COL8A1: variants seen among roughly 807,000 people sequenced by gnomAD.
COL8A1 encodes collagen type VIII alpha 1 chain.
In COL8A1, 21 loss-of-function variants were observed where a neutral mutation model predicts 42.7. The observed-to-expected ratio is 0.49, with a 90% confidence interval of 0.35 to 0.71. The LOEUF (loss-of-function observed/expected upper bound fraction) is 0.71. COL8A1 is among the 30% of genes least tolerant of loss of function. The probability of loss-of-function intolerance (pLI) is 0.01; values close to 1 mark genes in which losing one functional copy is unlikely to be tolerated. For missense variants in COL8A1, 788 were observed against 962.4 expected (o/e 0.82, Z 2.40); for synonymous variants, 367 against 369.1 (o/e 0.99, Z 0.06).
At chr3:99,743,389 T>C (rs1479886862) in intron 1 of COL8A1, among the ~76,000 whole-genome samples, 1 of 152,222 alleles carries the variant, frequency 6.6e-6, no homozygotes, top group Admixed American at 6.5e-5. Flanking sequence ...TGCTGCTGTA[T>C]CCACCCTTCA....
chr3:99,723,092 G>T (rs1206029676), intron 1 of COL8A1, among the ~76,000 whole-genome samples: 2 of 151,884 alleles, frequency 1.3e-5, no homozygotes, highest in African/African-American at 2.4e-5. Context: ...AGCCTAAGTT[G>T]TGTGTTTAGC....
At chr3:99,640,202 T>G (rs1937479164) in intron 1 of COL8A1, among the ~76,000 whole-genome samples, 1 of 152,186 alleles carries the variant, frequency 6.6e-6, no homozygotes, top group Non-Finnish European at 1.5e-5. Context: ...TTAAGCAAAT[T>G]ATATAAAATT....
At chr3:99,673,245 C>G (rs965105014) in intron 1 of COL8A1, among the ~76,000 whole-genome samples, 2 of 151,954 alleles carry the variant, frequency 1.3e-5, no homozygotes, top group Non-Finnish European at 2.9e-5. Flanking sequence ...ATCAAAATCA[C>G]TACATGTGAT....
At chr3:99,671,601 C>G (rs769690375) in intron 1 of COL8A1, among the ~76,000 whole-genome samples, 13 of 151,980 alleles carry the variant, frequency 8.6e-5, no homozygotes, top group Admixed American at 2.0e-4. Flanking sequence ...AGTCCCCCAC[C>G]ACCTACCCCA....
At chr3:99,642,805 G>T (rs1316338408) in intron 1 of COL8A1, among the ~76,000 whole-genome samples, 1 of 152,036 alleles carries the variant, frequency 6.6e-6, no homozygotes, top group East Asian at 1.9e-4. Flanking sequence ...TCTTAAATAG[G>T]ATATAAATTT....
intron 1 of COL8A1, among the ~76,000 whole-genome samples, chr3:99,659,581 A>C (rs1376330962): frequency 6.6e-6 from 1 of 152,216 alleles, no homozygotes; most frequent in African/African-American, 2.4e-5. Flanking sequence ...GACAAAGAAA[A>C]ATAAGTAGAT....
At chr3:99,775,899 G>A (rs1388171159) in intron 2 of COL8A1, among the ~76,000 whole-genome samples, 8 of 152,204 alleles carry the variant, frequency 5.3e-5, no homozygotes, top group Non-Finnish European at 1.0e-4. Flanking sequence ...TCTGGGTATT[G>A]AGGAAAAGAT....
intron 1 of COL8A1, among the ~76,000 whole-genome samples, chr3:99,714,844 T>C (rs1290552055): frequency 6.6e-6 from 1 of 152,122 alleles, no homozygotes; most frequent in Non-Finnish European, 1.5e-5. Context: ...AGGTGTGCCA[T>C]AGAGGGAGAA....
intron 1 of COL8A1, among the ~76,000 whole-genome samples, chr3:99,712,866 C>G (rs552320607): frequency 6.6e-6 from 1 of 152,188 alleles, no homozygotes; most frequent in South Asian, 2.1e-4. Context: ...ATAAAGGCAA[C>G]TGAAGTCTAT....
At chr3:99,718,061 C>T (rs1940051273) in intron 1 of COL8A1, among the ~76,000 whole-genome samples, 1 of 151,922 alleles carries the variant, frequency 6.6e-6, no homozygotes, top group Non-Finnish European at 1.5e-5. Flanking sequence ...TTCCCATTCA[C>T]TCTGCAAGAC....
chr3:99,762,378 T>C (rs955869668), intron 2 of COL8A1, among the ~76,000 whole-genome samples: 3 of 152,228 alleles, frequency 2.0e-5, no homozygotes, highest in African/African-American at 7.2e-5. Context: ...TTAAAAGTTA[T>C]CAGTTGAGTT....
At chr3:99,711,420 T>C (rs2107357753) in intron 1 of COL8A1, among the ~76,000 whole-genome samples, 1 of 152,336 alleles carries the variant, frequency 6.6e-6, no homozygotes, top group East Asian at 1.9e-4. Context: ...ACCCTTTCTT[T>C]TCTCTTCTCA....
intron 1 of COL8A1, among the ~76,000 whole-genome samples, chr3:99,643,586 A>G (rs182633559): frequency 7.2e-4 from 109 of 152,366 alleles, no homozygotes; most frequent in African/African-American, 2.4e-3. Context: ...AAAACAGTCT[A>G]TACAGACATA....
intron 1 of COL8A1, among the ~76,000 whole-genome samples, chr3:99,671,392 C>T (rs747129442): frequency 8.6e-5 from 13 of 151,920 alleles, no homozygotes; most frequent in Non-Finnish European, 1.9e-4. Flanking sequence ...TGGTTTCCAA[C>T]ATGATGTTTT....
chr3:99,701,658 A>G (rs957116706), intron 1 of COL8A1, among the ~76,000 whole-genome samples: 1 of 152,188 alleles, frequency 6.6e-6, no homozygotes, highest in Admixed American at 6.5e-5. Context: ...GTCCTTTTCC[A>G]GTCTGTTTCT....
intron 2 of COL8A1, among the ~76,000 whole-genome samples, chr3:99,787,276 T>C (rs557477650): frequency 6.6e-6 from 1 of 152,332 alleles, no homozygotes; most frequent in African/African-American, 2.4e-5. Context: ...TCTGCAGCCC[T>C]GCTCAAATAT....
intron 1 of COL8A1, among the ~76,000 whole-genome samples, chr3:99,702,865 C>CT (rs1228245762): frequency 6.6e-6 from 1 of 152,036 alleles, no homozygotes; most frequent in African/African-American, 2.4e-5. Flanking sequence ...GGTGGAGTTG[C>CT]TTTTTTATAG....
At chr3:99,670,157 G>A (rs996459789) in intron 1 of COL8A1, among the ~76,000 whole-genome samples, 1 of 152,040 alleles carries the variant, frequency 6.6e-6, no homozygotes, top group Non-Finnish European at 1.5e-5. Flanking sequence ...TAAAGACAAG[G>A]TAGCATTAAA....
chr3:99,795,415 C>A lies in COL8A1; in HGVS notation c.1514C>A (p.Pro505His). Residue 505 changes from proline (P) to histidine (H), a missense_variant, in exon 4 of 4, where the codon CCT becomes CAT. Pro to His is a moderately conservative substitution (Grantham distance 77, BLOSUM62 -2). Transcript: ENST00000652472. ...GPPGIPGIGG[P>H]SGPIGPPGIP... ...CCAGGTATCCCAGGGATTGGGGGCC[C>A]TAGTGGCCCCATTGGACCACCTGGG... 6.5e-7 allele frequency: 1 copy of A among 1,536,490 alleles called. No individual in the cohort carries two copies. Among genetic ancestry groups the A allele is most frequent in the Non-Finnish European group, 8.8e-7 (1 of 1,139,520 alleles).
Sources: gnomAD v4.1 joint callset for allele counts (sites outside exome capture counted in the v4.1 genomes callset) on GRCh38, gnomAD v4.1.1 for gene constraint, MANE v1.5 for transcripts, NCBI Gene and HGNC (gene_info 2026-07-23, HGNC 2026-07-21) for gene names.